GRID2: variants seen among roughly 807,000 people sequenced by gnomAD.
The protein encoded by GRID2 is glutamate ionotropic receptor delta type subunit 2, also known as glutamate receptor ionotropic, delta-2.
GRID2 carries 33 observed loss-of-function variants against 114.8 expected under a neutral mutation model. That is an observed-to-expected ratio of 0.29 (90% CI 0.22 to 0.38). The LOEUF (loss-of-function observed/expected upper bound fraction) is 0.38, where lower values mean the gene tolerates loss of function less well. Ranked by LOEUF, GRID2 falls within the 10% of genes least tolerant of loss-of-function variation. The pLI, the probability that GRID2 is intolerant of heterozygous loss-of-function variation, is 1.00. For missense variants in GRID2, 1,184 were observed against 1,257.7 expected, an observed-to-expected ratio of 0.94 and a Z score of 0.89; for synonymous variants, 505 against 449.9, an observed-to-expected ratio of 1.12 and a Z score of -1.55.
chr4:92,787,773 T>C (rs1054396912), intron 2 of GRID2, among the ~76,000 whole-genome samples: 1 of 151,814 alleles, frequency 6.6e-6, no homozygotes, highest in Non-Finnish European at 1.5e-5. Flanking sequence ...AGAAAATGAT[T>C]GAGAGGTGTT....
chr4:92,357,824 T>C (rs904726439), intron 1 of GRID2, among the ~76,000 whole-genome samples: 1 of 151,912 alleles, frequency 6.6e-6, no homozygotes, highest in Non-Finnish European at 1.5e-5. Flanking sequence ...CAAATCTATA[T>C]TGAACAAGTC....
chr4:93,741,699 G>A (rs1040843907), intron 14 of GRID2, among the ~76,000 whole-genome samples: 5 of 152,028 alleles, frequency 3.3e-5, no homozygotes, highest in Admixed American at 2.0e-4. Context: ...AGGCCGAGGC[G>A]GGCCTCCTGA....
chr4:92,796,789 A>G (rs1179878086), intron 2 of GRID2, among the ~76,000 whole-genome samples: 3 of 151,846 alleles, frequency 2.0e-5, no homozygotes, highest in African/African-American at 7.3e-5. Flanking sequence ...CTTTGCTGGG[A>G]TTAAATTCTA....
chr4:92,901,675 A>G (rs980572892), intron 2 of GRID2, among the ~76,000 whole-genome samples: 8 of 152,086 alleles, frequency 5.3e-5, no homozygotes, highest in Non-Finnish European at 1.0e-4. Flanking sequence ...ATTGATTTGT[A>G]TATGTTGAAC....
intron 8 of GRID2, among the ~76,000 whole-genome samples, chr4:93,276,341 T>C (rs933033440): frequency 4.6e-5 from 7 of 152,018 alleles, no homozygotes; most frequent in African/African-American, 1.7e-4. Context: ...CCCACTATCT[T>C]GATACCTGCA....
intron 1 of GRID2, among the ~76,000 whole-genome samples, chr4:92,400,927 A>G (rs1179633761): frequency 1.3e-5 from 2 of 152,152 alleles, no homozygotes; most frequent in African/African-American, 4.8e-5. Flanking sequence ...AATTCTTTGC[A>G]AATTTTTAAA....
chr4:93,137,114 A>G (rs1358825538), intron 4 of GRID2, among the ~76,000 whole-genome samples: 1 of 152,178 alleles, frequency 6.6e-6, no homozygotes, highest in Non-Finnish European at 1.5e-5. Flanking sequence ...GATGAAATTA[A>G]GCTTATAACT....
chr4:93,456,859 G>A (rs1336595125), intron 11 of GRID2, among the ~76,000 whole-genome samples: 1 of 151,988 alleles, frequency 6.6e-6, no homozygotes, highest in Non-Finnish European at 1.5e-5. Flanking sequence ...TCAAAGATTA[G>A]TCTAGAACCT....
chr4:93,801,519 T>A (rs906895554), intron 1 of GRID2, among the ~76,000 whole-genome samples: 1 of 152,122 alleles, frequency 6.6e-6, no homozygotes, highest in Non-Finnish European at 1.5e-5. Flanking sequence ...TAAATATTTT[T>A]AATTTACACA....
chr4:93,088,123 A>G (rs1402693332), intron 3 of GRID2, among the ~76,000 whole-genome samples: 1 of 152,090 alleles, frequency 6.6e-6, no homozygotes, highest in Non-Finnish European at 1.5e-5. Flanking sequence ...AATTAGAGAA[A>G]CCTCCTTTTC....
rs140781678 is a variant in GRID2 at position 93,723,960 on chromosome 4, A to T, written c.2361-45250A>T. 2.0e-5 allele frequency among the ~76,000 whole-genome samples: 3 copies of T among 152,294 alleles called. No individual in the cohort carries two copies. In the East Asian group the frequency reaches 5.8e-4, roughly 29 times the overall value. On this transcript the variant is annotated intron_variant, in intron 14 of 15. Coordinates refer to ENST00000282020, the MANE Select transcript of GRID2 (RefSeq NM_001510.4). Reference sequence around the variant, plus strand: ...AGGGAGAGTCCATTCTAACGAACATACTATCACCACTTCCAAGGCTCTCTG... The same window carrying T: ...AGGGAGAGTCCATTCTAACGAACATTCTATCACCACTTCCAAGGCTCTCTG...
intron 1 of GRID2, among the ~76,000 whole-genome samples, chr4:92,537,909 T>A (rs1041998366): frequency 1.3e-5 from 2 of 151,916 alleles, no homozygotes; most frequent in African/African-American, 2.4e-5. Flanking sequence ...ATTTTGACAA[T>A]GTATTAAGTA....
At chr4:92,893,765 G>C (rs994707429) in intron 2 of GRID2, among the ~76,000 whole-genome samples, 6 of 152,138 alleles carry the variant, frequency 3.9e-5, no homozygotes, top group Non-Finnish European at 7.4e-5. Context: ...CACCCACTCT[G>C]CTTAATTATA....
rs1270049544 is a variant in GRID2 at position 92,876,622 on chromosome 4, G to T, written c.245-208373G>T. Reference sequence around the variant, plus strand: ...ACCCGGCCAAAAACCCAATTTTCTTGATTATTACTACAGTTCAGCTATATC... The same window carrying T: ...ACCCGGCCAAAAACCCAATTTTCTTTATTATTACTACAGTTCAGCTATATC... On this transcript the variant is annotated intron_variant, in intron 2 of 15. Transcript: ENST00000282020. 2.0e-5 allele frequency among the ~76,000 whole-genome samples: 3 copies of T among 152,048 alleles called. No individual in the cohort carries two copies. The East Asian group carries it at 5.8e-4, about 29-fold the overall frequency.
At chr4:92,572,851 G>A (rs1252708872) in intron 1 of GRID2, among the ~76,000 whole-genome samples, 3 of 150,248 alleles carry the variant, frequency 2.0e-5, no homozygotes, top group African/African-American at 7.5e-5. Flanking sequence ...AGTTAAGGAG[G>A]AGTCCTTCTT....
intron 14 of GRID2, among the ~76,000 whole-genome samples, chr4:93,683,927 C>T (rs958752222): frequency 6.6e-6 from 1 of 152,062 alleles, no homozygotes; most frequent in Middle Eastern, 3.4e-3. Context: ...TATTCAGGAA[C>T]ATTGCAAAAG....
chr4:93,775,359 A>G (rs113671934), downstream of GRID2, among the ~76,000 whole-genome samples: 131 of 152,312 alleles, frequency 8.6e-4, no homozygotes, highest in African/African-American at 3.1e-3. Context: ...CCACCCTTCA[A>G]TCACACCAAC....
intron 1 of GRID2, among the ~76,000 whole-genome samples, chr4:92,380,774 C>T (rs1489972090): frequency 6.6e-6 from 1 of 151,904 alleles, no homozygotes; most frequent in Non-Finnish European, 1.5e-5. Flanking sequence ...TACAATTTTG[C>T]TTCTCTGAAA....
chr4:93,704,042 C>A (rs970326621), intron 14 of GRID2, among the ~76,000 whole-genome samples: 1 of 152,068 alleles, frequency 6.6e-6, no homozygotes, highest in African/African-American at 2.4e-5. Flanking sequence ...AATGGTATTT[C>A]CAGTTCTAGA....
Sources: allele counts gnomAD v4.1 joint callset (sites outside exome capture counted in the v4.1 genomes callset), GRCh38; gene constraint gnomAD v4.1.1; transcripts MANE v1.5; gene names NCBI Gene and HGNC (gene_info 2026-07-23, HGNC 2026-07-21).